Variants in SCHIP1 observed in about 807,000 individuals in gnomAD.
SCHIP1 encodes schwannomin interacting protein 1, also known as schwannomin-interacting protein 1.
SCHIP1 carries 8 observed loss-of-function variants against 29.7 expected under a neutral mutation model. That is an observed-to-expected ratio of 0.27 (90% CI 0.16 to 0.49). The LOEUF is 0.49. Ranked by LOEUF, SCHIP1 falls within the 20% of genes least tolerant of loss-of-function variation. The pLI, the probability that SCHIP1 is intolerant of heterozygous loss-of-function variation, is 0.99. For missense variants in SCHIP1, 193 were observed against 294.6 expected, an observed-to-expected ratio of 0.66 and a Z score of 2.52; for synonymous variants, 76 against 94.9, an observed-to-expected ratio of 0.80 and a Z score of 1.16.
chr3:159,494,850 A>C, the SCHIP1 span, among the ~76,000 whole-genome samples: 3 of 152,222 alleles, frequency 2.0e-5, no homozygotes, highest in African/African-American at 7.2e-5. Flanking sequence ...TGATGCAAAA[A>C]TCCTCAATAC....
the SCHIP1 span, among the ~76,000 whole-genome samples, chr3:159,492,334 A>C: frequency 0.072 from 11,034 of 152,224 alleles, 1,358 homozygotes; most frequent in African/African-American, 0.25. Flanking sequence ...ACCAATGGCA[A>C]AGAAGTTAAA....
chr3:159,648,018 C>G, the SCHIP1 span, among the ~76,000 whole-genome samples: 1 of 152,090 alleles, frequency 6.6e-6, no homozygotes, highest in Admixed American at 6.6e-5. Flanking sequence ...AACAAATGAG[C>G]TGAATCTGCC....
the SCHIP1 span, among the ~76,000 whole-genome samples, chr3:159,455,553 G>A: frequency 6.6e-6 from 1 of 152,186 alleles, no homozygotes; most frequent in African/African-American, 2.4e-5. Context: ...AAGAAGCTGG[G>A]GAGAAAAATC....
the SCHIP1 span, among the ~76,000 whole-genome samples, chr3:159,675,416 TATG>T: frequency 2.6e-5 from 4 of 152,242 alleles, no homozygotes; most frequent in Non-Finnish European, 5.9e-5. Context: ...CCCAACTATG[TATG>T]ATGAGTAAAT....
chr3:159,616,092 G>C, the SCHIP1 span, among the ~76,000 whole-genome samples: 1 of 140,742 alleles, frequency 7.1e-6, no homozygotes, highest in African/African-American at 3.3e-5. Context: ...TCCTCTCAGA[G>C]AGCCAAGTGC....
At chr3:159,833,904 C>T in the SCHIP1 span, among the ~76,000 whole-genome samples, 2 of 152,298 alleles carry the variant, frequency 1.3e-5, no homozygotes, top group South Asian at 4.1e-4. Context: ...TTGCTCACTC[C>T]CCCATGTAGA....
chr3:159,777,230 A>G, the SCHIP1 span, among the ~76,000 whole-genome samples: 1 of 152,194 alleles, frequency 6.6e-6, no homozygotes, highest in Non-Finnish European at 1.5e-5. Flanking sequence ...CTCACTTTTC[A>G]TATGAGAAAA....
the SCHIP1 span, among the ~76,000 whole-genome samples, chr3:159,474,878 C>A: frequency 6.6e-6 from 1 of 152,110 alleles, no homozygotes; most frequent in African/African-American, 2.4e-5. Context: ...AAAAAGTAAG[C>A]TTTGACAATA....
the SCHIP1 span, among the ~76,000 whole-genome samples, chr3:159,618,069 C>G: frequency 2.6e-3 from 403 of 152,308 alleles, 3 homozygotes; most frequent in Non-Finnish European, 2.9e-3. Context: ...TCACTGGGCT[C>G]AACATCTGCA....
the SCHIP1 span, among the ~76,000 whole-genome samples, chr3:159,670,809 G>A: frequency 1.1e-4 from 16 of 151,974 alleles, no homozygotes; most frequent in Middle Eastern, 3.2e-3. Flanking sequence ...ATGTAGATGT[G>A]GCACATCACA....
the SCHIP1 span, among the ~76,000 whole-genome samples, chr3:159,651,040 G>A: frequency 0.014 from 2,195 of 152,122 alleles, 26 homozygotes; most frequent in Non-Finnish European, 0.021. Flanking sequence ...TACCTGTACC[G>A]TCTCATAGGA....
At chr3:159,360,096 G>A in the SCHIP1 span, among the ~76,000 whole-genome samples, 5 of 152,210 alleles carry the variant, frequency 3.3e-5, no homozygotes, top group East Asian at 1.9e-4. Flanking sequence ...GTAAATAGCT[G>A]GACCCAGAGG....
the SCHIP1 span, chr3:159,399,036 C>T: frequency 1.6e-6 from 1 of 618,846 alleles, no homozygotes; most frequent in Non-Finnish European, 2.0e-6. Flanking sequence ...ACCCCAAACC[C>T]TCACTCCCCT....
At chr3:159,833,754 C>T in the SCHIP1 span, among the ~76,000 whole-genome samples, 5 of 152,186 alleles carry the variant, frequency 3.3e-5, no homozygotes, top group African/African-American at 4.8e-5. Context: ...CCTTCAACTG[C>T]GAATTTTATG....
the SCHIP1 span, among the ~76,000 whole-genome samples, chr3:159,611,876 A>T: frequency 1.1e-4 from 17 of 149,622 alleles, no homozygotes; most frequent in East Asian, 3.2e-3. Flanking sequence ...CATTCACTCC[A>T]CTCCTCTCCT....
chr3:159,370,234 C>T, the SCHIP1 span, among the ~76,000 whole-genome samples: 1 of 152,190 alleles, frequency 6.6e-6, no homozygotes, highest in Admixed American at 6.5e-5. Context: ...CCTCTCATCT[C>T]CCCGATTCTC....
the SCHIP1 span, among the ~76,000 whole-genome samples, chr3:159,552,119 GC>G: frequency 6.9e-6 from 1 of 143,904 alleles, no homozygotes; most frequent in African/African-American, 2.6e-5. Context: ...GCTCACTGCA[GC>G]CTCCGCCTCC....
At chr3:159,356,990 C>T in the SCHIP1 span, among the ~76,000 whole-genome samples, 1 of 152,104 alleles carries the variant, frequency 6.6e-6, no homozygotes, top group African/African-American at 2.4e-5. Flanking sequence ...AAAATAAATC[C>T]GAACAACCAA....
the SCHIP1 span, among the ~76,000 whole-genome samples, chr3:159,460,860 C>A: frequency 6.6e-6 from 1 of 152,038 alleles, no homozygotes; most frequent in Non-Finnish European, 1.5e-5. Flanking sequence ...TTTTCATGCA[C>A]CCTAGTTTGA....
Sources: allele counts gnomAD v4.1 joint callset (sites outside exome capture counted in the v4.1 genomes callset), GRCh38; gene constraint gnomAD v4.1.1; transcripts MANE v1.5; gene names NCBI Gene and HGNC (gene_info 2026-07-23, HGNC 2026-07-21).